The following RSPO3 variants were observed in gnomAD, a reference collection of about 807,000 sequenced individuals.
RSPO3 encodes R-spondin 3.
A neutral mutation model predicts 36.5 loss-of-function variants in RSPO3; 17 were observed. The observed-to-expected ratio is 0.47, with a 90% CI of 0.32 to 0.70. RSPO3 has a LOEUF of 0.70. RSPO3 is among the 30% of genes least tolerant of loss of function. The probability of loss-of-function intolerance (pLI) is 0.04; values close to 1 mark genes in which losing one functional copy is unlikely to be tolerated. For missense variants in RSPO3, 294 were observed against 322.5 expected, an observed-to-expected ratio of 0.91 and a Z score of 0.68; for synonymous variants, 108 against 107.0, an observed-to-expected ratio of 1.01 and a Z score of -0.06.
chr6:127,131,179 A>T (rs966659464), intron 1 of RSPO3, among the ~76,000 whole-genome samples: 2 of 152,120 alleles, frequency 1.3e-5, no homozygotes, highest in Admixed American at 6.6e-5. Context: ...TAGTACAATC[A>T]ATAACATTTG....
intron 1 of RSPO3, among the ~76,000 whole-genome samples, chr6:127,143,034 G>A (rs1353025456): frequency 6.6e-6 from 1 of 150,732 alleles, no homozygotes; most frequent in East Asian, 1.9e-4. Flanking sequence ...GCCCAGGCTA[G>A]TCTCAAACTC....
intron 1 of RSPO3, among the ~76,000 whole-genome samples, chr6:127,132,615 G>A (rs932839356): frequency 6.6e-6 from 1 of 152,000 alleles, no homozygotes; most frequent in African/African-American, 2.4e-5. Flanking sequence ...GATCTGATCT[G>A]ATGTAAGCTC....
At chr6:127,130,757 G>C (rs542183516) in intron 1 of RSPO3, among the ~76,000 whole-genome samples, 1 of 152,176 alleles carries the variant, frequency 6.6e-6, no homozygotes, top group South Asian at 2.1e-4. Context: ...AATGCTGCTT[G>C]GCCACAAACT....
chr6:127,190,962 G>A (rs1284704147), intron 4 of RSPO3, among the ~76,000 whole-genome samples: 6 of 152,240 alleles, frequency 3.9e-5, no homozygotes, highest in Admixed American at 2.0e-4. Context: ...GATATTGAAC[G>A]TGTTCTATGG....
At chr6:127,186,912 T>C (rs959846042) in intron 4 of RSPO3, among the ~76,000 whole-genome samples, 27 of 152,186 alleles carry the variant, frequency 1.8e-4, no homozygotes, top group Admixed American at 1.7e-3. Flanking sequence ...ATACTATTTA[T>C]GTACTTTCAG....
chr6:127,149,001 A>C (rs1774439793), intron 2 of RSPO3, among the ~76,000 whole-genome samples, 162 bp downstream of exon 2: 1 of 152,064 alleles, frequency 6.6e-6, no homozygotes, highest in Non-Finnish European at 1.5e-5. Context: ...GAACCAGAAA[A>C]TTTTTATCAC....
In RSPO3 at chr6:127,197,859, A is replaced by C. The variant is rs1361810990; in HGVS notation, c.*1852A>C. 5 of 189,516 alleles carry C rather than the reference A, an allele frequency of 2.6e-5. No homozygotes were observed. In the East Asian group the frequency reaches 5.2e-4, roughly 20 times the overall value. The allele number at this position is 189,516 out of a possible 1,614,324, so 11.7% of individuals were successfully genotyped here. The stretch of plus-strand genomic sequence containing the variant: ...TATTCCCAATGTATAAAATAATTCT[A>C]ATTCCATTTTCAGCTAAAACATATA... On this transcript the variant is annotated 3_prime_UTR_variant, in exon 5 of 5. Transcript: ENST00000356698.
chr6:127,163,957 T>C (rs142565863), intron 4 of RSPO3, among the ~76,000 whole-genome samples: 1 of 152,192 alleles, frequency 6.6e-6, no homozygotes, highest in Non-Finnish European at 1.5e-5. Flanking sequence ...TTTCTCACCA[T>C]TTCAGCTCAC....
chr6:127,142,611 A>C (rs769448126), intron 1 of RSPO3, among the ~76,000 whole-genome samples: 2 of 152,194 alleles, frequency 1.3e-5, no homozygotes, highest in Non-Finnish European at 2.9e-5. Flanking sequence ...ACACATAAGA[A>C]AACCATTATT....
intron 2 of RSPO3, among the ~76,000 whole-genome samples, chr6:127,149,316 T>C (rs1423233364): frequency 1.3e-5 from 2 of 152,086 alleles, no homozygotes; most frequent in Non-Finnish European, 2.9e-5. Flanking sequence ...GGGACCTTTC[T>C]CAAAAATGTA....
intron 4 of RSPO3, among the ~76,000 whole-genome samples, chr6:127,173,535 A>C (rs1774985428): frequency 6.6e-6 from 1 of 151,902 alleles, no homozygotes; most frequent in Non-Finnish European, 1.5e-5. Context: ...GACATAAAGT[A>C]AAATTTACTA....
Position 127,181,755 on chromosome 6 carries a change from T to C in RSPO3, c.635-14068T>C, listed in dbSNP as rs79011202. ...CTTCAGTATTTTCACTCCCCAATAT[T>C]TGAAGTCACTTCTTGACTACTACTC... is the stretch of plus-strand genomic sequence containing the variant. On this transcript the variant is annotated intron_variant, in intron 4 of 4. Transcript: ENST00000356698. 1.8e-3 allele frequency among the ~76,000 whole-genome samples: 268 copies of C among 152,026 alleles called. 1 individual carries two copies. Among genetic ancestry groups the C allele is most frequent in the African/African-American group, 6.3e-3 (262 of 41,526 alleles).
intron 4 of RSPO3, among the ~76,000 whole-genome samples, chr6:127,185,879 A>G (rs902886920): frequency 2.0e-5 from 3 of 152,168 alleles, no homozygotes; most frequent in African/African-American, 7.2e-5. Flanking sequence ...GCTCCTGTCC[A>G]TACAACCCAG....
At chr6:127,138,642 T>C (rs1562242291) in intron 1 of RSPO3, among the ~76,000 whole-genome samples, 1 of 152,024 alleles carries the variant, frequency 6.6e-6, no homozygotes, top group Non-Finnish European at 1.5e-5. Flanking sequence ...CACTTAATCC[T>C]CTCAAATACA....
intron 1 of RSPO3, among the ~76,000 whole-genome samples, chr6:127,140,936 T>C (rs1774257150): frequency 6.6e-6 from 1 of 152,086 alleles, no homozygotes. Context: ...GGCTAAGGAG[T>C]AGACTTAAAG....
intron 1 of RSPO3, among the ~76,000 whole-genome samples, chr6:127,132,760 T>C (rs1774083618): frequency 6.6e-6 from 1 of 152,126 alleles, no homozygotes; most frequent in Admixed American, 6.5e-5. Flanking sequence ...CAGTGTTCCC[T>C]TTCTGTGCTT....
chr6:127,176,380 C>G (rs1476347489), intron 4 of RSPO3, among the ~76,000 whole-genome samples: 1 of 151,726 alleles, frequency 6.6e-6, no homozygotes, highest in Non-Finnish European at 1.5e-5. Context: ...AAGCCAAATA[C>G]AAGCTCGTAA....
At chr6:127,160,383 C>T (rs911266232) in intron 4 of RSPO3, among the ~76,000 whole-genome samples, 2 of 152,098 alleles carry the variant, frequency 1.3e-5, no homozygotes, top group South Asian at 2.1e-4. Context: ...AAAAGTGGGG[C>T]TTAGGCTGGG....
intron 4 of RSPO3, among the ~76,000 whole-genome samples, chr6:127,188,125 G>C (rs536720336): frequency 6.6e-6 from 1 of 152,216 alleles, no homozygotes; most frequent in Admixed American, 6.5e-5. Context: ...GAGTTAGCTT[G>C]AATGAAAGGG....
Sources: allele counts gnomAD v4.1 joint callset (sites outside exome capture counted in the v4.1 genomes callset), GRCh38; gene constraint gnomAD v4.1.1; transcripts MANE v1.5; gene names NCBI Gene and HGNC (gene_info 2026-07-23, HGNC 2026-07-21).